HEXB: variants seen among roughly 807,000 people sequenced by gnomAD.
HEXB encodes the protein hexosaminidase subunit beta.
Under a neutral mutation model 71.2 loss-of-function variants are expected in HEXB, and 51 were observed. That is an observed-to-expected ratio of 0.72 (90% CI 0.57 to 0.90). HEXB has a LOEUF of 0.90. Ranked by LOEUF, HEXB falls within the 40% of genes least tolerant of loss-of-function variation. The pLI, the probability that HEXB is intolerant of heterozygous loss-of-function variation, is 0.00. For missense variants in HEXB, 617 were observed against 677.0 expected, an observed-to-expected ratio of 0.91 and a Z score of 0.98; for synonymous variants, 266 against 249.3, an observed-to-expected ratio of 1.07 and a Z score of -0.63.
chr5:74,692,616 C>T (rs994257660), intron 2 of HEXB, among the ~76,000 whole-genome samples: 1 of 152,216 alleles, frequency 6.6e-6, no homozygotes, highest in Non-Finnish European at 1.5e-5. Flanking sequence ...AAAAGGCTAT[C>T]TTGTCAGAAG....
intron 1 of HEXB, among the ~76,000 whole-genome samples, chr5:74,670,882 C>G (rs1189824537): frequency 6.6e-6 from 1 of 152,080 alleles, no homozygotes; most frequent in African/African-American, 2.4e-5. Flanking sequence ...CGCTCACACA[C>G]CCCCTCCCAC....
intron 1 of HEXB, among the ~76,000 whole-genome samples, chr5:74,642,043 C>A (rs1469641279): frequency 6.6e-6 from 1 of 152,084 alleles, no homozygotes; most frequent in African/African-American, 2.4e-5. Flanking sequence ...GGCGCAGGAG[C>A]GATTTAAACT....
intron 1 of HEXB, among the ~76,000 whole-genome samples, chr5:74,651,285 CCT>C (rs1201179907): frequency 6.6e-6 from 1 of 152,192 alleles, no homozygotes; most frequent in East Asian, 1.9e-4. Context: ...CATTAGACTA[CCT>C]CTGTCTTTTC....
intron 1 of HEXB, among the ~76,000 whole-genome samples, chr5:74,664,788 G>T (rs1267392938): frequency 6.6e-6 from 1 of 152,272 alleles, no homozygotes; most frequent in Non-Finnish European, 1.5e-5. Context: ...TAAGAGGCAA[G>T]TATCAAGCTA....
intron 2 of HEXB, among the ~76,000 whole-genome samples, chr5:74,693,102 G>T (rs1172586383): frequency 6.6e-6 from 1 of 152,196 alleles, no homozygotes; most frequent in Non-Finnish European, 1.5e-5. Context: ...ACTGAGGGAA[G>T]GTGGGTACAG....
chr5:74,716,065 G>C (rs560498837), intron 8 of HEXB, among the ~76,000 whole-genome samples: 1 of 147,198 alleles, frequency 6.8e-6, no homozygotes, highest in Admixed American at 6.8e-5. Flanking sequence ...CTGTTGCATT[G>C]AAGTAGCTGT....
chr5:74,647,870 G>GTGC (rs1748030406), intron 1 of HEXB, among the ~76,000 whole-genome samples: 1 of 152,176 alleles, frequency 6.6e-6, no homozygotes, highest in African/African-American at 2.4e-5. Context: ...TACAGGCATC[G>GTGC]TGCTAAGGAA....
intron 5 of HEXB, 116 bp from the exon 6 acceptor site, chr5:74,705,103 A>G: frequency 2.9e-6 from 2 of 678,250 alleles, no homozygotes; most frequent in Admixed American, 2.3e-5. Flanking sequence ...AAAAAAAAAA[A>G]AAAAAAAAAG....
chr5:74,657,268 T>C (rs1433340471), intron 1 of HEXB, among the ~76,000 whole-genome samples: 1 of 152,176 alleles, frequency 6.6e-6, no homozygotes, highest in Admixed American at 6.5e-5. Context: ...CCAGCCACAC[T>C]GGCTGCCCTG....
At chr5:74,683,685 G>A (rs1748781120), upstream of HEXB, among the ~76,000 whole-genome samples, 1 of 152,078 alleles carries the variant, frequency 6.6e-6, no homozygotes. Context: ...AGGGGAGCAG[G>A]AGAAAGAAAG....
At chr5:74,710,967 A>G (rs145643679) in intron 6 of HEXB, among the ~76,000 whole-genome samples, 47,295 of 150,424 alleles carry the variant, frequency 0.31, 9,054 homozygotes, top group African/African-American at 0.54. Context: ...AAAAGAGCCC[A>G]CATTACCAAG....
upstream of HEXB, among the ~76,000 whole-genome samples, chr5:74,680,515 C>A (rs1321367523): frequency 3.3e-5 from 5 of 152,288 alleles, no homozygotes; most frequent in African/African-American, 1.2e-4. Flanking sequence ...TGCTAACATT[C>A]TGGATTTCAA....
At chr5:74,680,408 T>G (rs1013550769), upstream of HEXB, among the ~76,000 whole-genome samples, 7 of 152,178 alleles carry the variant, frequency 4.6e-5, no homozygotes, top group Admixed American at 1.3e-4. Context: ...ATAACTTGCA[T>G]TTAGTTCACA....
intron 1 of HEXB, among the ~76,000 whole-genome samples, chr5:74,645,223 G>A (rs922413579): frequency 6.6e-6 from 1 of 150,736 alleles, no homozygotes; most frequent in East Asian, 2.0e-4. Flanking sequence ...AGGTGAGCCC[G>A]TGCTAAGTTG....
intron 1 of HEXB, 99 bp downstream of exon 1, chr5:74,685,658 G>A: frequency 9.0e-7 from 1 of 1,117,318 alleles, no homozygotes; most frequent in Non-Finnish European, 1.3e-6. Context: ...CTGCGCAGAC[G>A]AGAAACCGCC....
intron 1 of HEXB, among the ~76,000 whole-genome samples, chr5:74,658,987 T>C (rs1461958435): frequency 6.6e-6 from 1 of 152,202 alleles, no homozygotes; most frequent in Non-Finnish European, 1.5e-5. Flanking sequence ...ATGAGAAGAC[T>C]GGAGCTTCTG....
chr5:74,661,511 CTCTGTGTGTGTGTG>C (rs149164078), intron 1 of HEXB, among the ~76,000 whole-genome samples: 5,534 of 127,224 alleles, frequency 0.043, 146 homozygotes, highest in Middle Eastern at 0.077. Context: ...TTTTCTCTCT[CTCTGTGTGTGTGTG>C]TGTGTGTGTG....
intron 1 of HEXB, among the ~76,000 whole-genome samples, chr5:74,661,973 C>A (rs961142950): frequency 4.1e-4 from 63 of 152,004 alleles, no homozygotes; most frequent in African/African-American, 1.5e-3. Context: ...CTTATTTGAT[C>A]TTTATGACAA....
chr5:74,690,100 T>G (rs533390170), intron 2 of HEXB, among the ~76,000 whole-genome samples: 7 of 152,216 alleles, frequency 4.6e-5, no homozygotes, highest in African/African-American at 7.2e-5. Context: ...AGAGGGTGGG[T>G]ACAGCAGTTT....
Sources: gnomAD v4.1 joint callset for allele counts (sites outside exome capture counted in the v4.1 genomes callset) on GRCh38, gnomAD v4.1.1 for gene constraint, MANE v1.5 for transcripts, NCBI Gene and HGNC (gene_info 2026-07-23, HGNC 2026-07-21) for gene names.